SESTD1: variants seen among roughly 807,000 people sequenced by gnomAD.
SESTD1 encodes SEC14 domain and spectrin repeat-containing protein 1.
SESTD1 carries 43 observed loss-of-function variants against 101.7 expected under a neutral mutation model. That is an observed-to-expected ratio of 0.42 (90% CI 0.33 to 0.55). The LOEUF (loss-of-function observed/expected upper bound fraction) is 0.55, where lower values mean the gene tolerates loss of function less well. SESTD1 is among the 20% of genes least tolerant of loss of function. The pLI, the probability that SESTD1 is intolerant of heterozygous loss-of-function variation, is 0.07. For synonymous variants in SESTD1, 283 were observed against 286.8 expected (o/e 0.99, Z 0.13); for missense variants, 647 against 815.1 (o/e 0.79, Z 2.51).
chr2:179,140,033 C>T (rs755242621), intron 9 of SESTD1, among the ~76,000 whole-genome samples: 6 of 152,284 alleles, frequency 3.9e-5, no homozygotes, highest in Middle Eastern at 3.4e-3. Context: ...CATTCTAAAG[C>T]GAATCCCTTC....
chr2:179,121,797 A>G lies in SESTD1; in HGVS notation c.1415T>C (p.Met472Thr). 1 of 1,596,330 alleles carries G rather than the reference A, an allele frequency of 6.3e-7. No individual in the cohort carries two copies. The highest frequency in any genetic ancestry group is 8.5e-7 in the Non-Finnish European group (1 of 1,172,776). ...TTGTTTTCTAAGCTGCATATCTTCC[A>G]TCACTCCTTGTATGTGGTCCACATT... The part of the protein sequence containing the change: ...KENVDHIQGV[M>T]EDMQLRKQRC... Residue 472 changes from methionine (M) to threonine (T), a missense_variant, in exon 13 of 18, where the codon ATG (methionine) becomes ACG (threonine). Around this residue, in one of 3 missense-constraint regions of SESTD1, gnomAD observed 476 missense variants for 562.6 expected, o/e 0.85. Coordinates refer to ENST00000428443, the MANE Select transcript of SESTD1 (RefSeq NM_178123.5).
intron 1 of SESTD1, among the ~76,000 whole-genome samples, chr2:179,231,693 C>T (rs1434222356): frequency 7.1e-6 from 1 of 140,302 alleles, no homozygotes; most frequent in Non-Finnish European, 1.5e-5. Context: ...CAAGAGATAA[C>T]CTAAAACAGT....
chr2:179,117,978 GA>G (rs1166869416), intron 13 of SESTD1, among the ~76,000 whole-genome samples: 2 of 152,060 alleles, frequency 1.3e-5, no homozygotes, highest in Non-Finnish European at 2.9e-5. Flanking sequence ...AATACAGGAT[GA>G]TATTTTTTTG....
intron 5 of SESTD1, among the ~76,000 whole-genome samples, chr2:179,155,737 T>A (rs1448768426): frequency 6.6e-6 from 1 of 152,210 alleles, no homozygotes; most frequent in Non-Finnish European, 1.5e-5. Flanking sequence ...TCATGTCCCT[T>A]ATTTATTTTT....
intron 5 of SESTD1, among the ~76,000 whole-genome samples, chr2:179,153,862 G>A (rs1481640611): frequency 1.3e-5 from 2 of 151,890 alleles, no homozygotes; most frequent in Non-Finnish European, 2.9e-5. Context: ...GCCATGAATC[G>A]AAACATTAAA....
intron 1 of SESTD1, among the ~76,000 whole-genome samples, chr2:179,249,599 G>C (rs540470232): frequency 1.3e-5 from 2 of 152,194 alleles, no homozygotes; most frequent in African/African-American, 4.8e-5. Flanking sequence ...GAATTTATAT[G>C]AGTTAAATGC....
At chr2:179,192,958 T>G (rs1372288570) in intron 1 of SESTD1, among the ~76,000 whole-genome samples, 1 of 152,192 alleles carries the variant, frequency 6.6e-6, no homozygotes, top group Non-Finnish European at 1.5e-5. Flanking sequence ...CATATTCTCT[T>G]GAAGACATTT....
chr2:179,212,518 A>T (rs2046664169), intron 1 of SESTD1, among the ~76,000 whole-genome samples: 1 of 136,230 alleles, frequency 7.3e-6, no homozygotes, highest in Non-Finnish European at 1.6e-5. Flanking sequence ...ACCACAGCTC[A>T]ACAAGGCCTA....
At chr2:179,127,410 GAAC>G (rs1376178132) in intron 10 of SESTD1, among the ~76,000 whole-genome samples, 5 of 152,166 alleles carry the variant, frequency 3.3e-5, no homozygotes, top group Non-Finnish European at 7.3e-5. Context: ...CAAAAGCCTA[GAAC>G]AACACATGAC....
chr2:179,220,104 AGTC>A (rs2046792057), intron 1 of SESTD1, among the ~76,000 whole-genome samples: 1 of 150,918 alleles, frequency 6.6e-6, no homozygotes, highest in Non-Finnish European at 1.5e-5. Context: ...AAAATTCAAA[AGTC>A]TACTGAAAAT....
chr2:179,239,254 G>GATTT, intron 1 of SESTD1, among the ~76,000 whole-genome samples: 1 of 152,048 alleles, frequency 6.6e-6, no homozygotes, highest in Non-Finnish European at 1.5e-5. Flanking sequence ...AAATCTTTGA[G>GATTT]AGAATAATCC....
intron 5 of SESTD1, among the ~76,000 whole-genome samples, chr2:179,160,691 TAA>T (rs1266551264): frequency 2.0e-5 from 3 of 152,212 alleles, no homozygotes; most frequent in East Asian, 1.9e-4. Context: ...AGAAAATATT[TAA>T]AAGAGTAAAT....
At chr2:179,155,246 G>C (rs2105454981) in intron 5 of SESTD1, among the ~76,000 whole-genome samples, 1 of 152,056 alleles carries the variant, frequency 6.6e-6, no homozygotes, top group South Asian at 2.1e-4. Flanking sequence ...CCACAGAAAG[G>C]CTTTCACACT....
chr2:179,200,452 C>A (rs2105508238), intron 1 of SESTD1, among the ~76,000 whole-genome samples: 1 of 149,066 alleles, frequency 6.7e-6, no homozygotes, highest in Non-Finnish European at 1.5e-5. Flanking sequence ...AAAAAAGAGC[C>A]CGCATCACCA....
intron 10 of SESTD1, chr2:179,131,945 C>T (rs962344380): frequency 1.9e-5 from 3 of 157,402 alleles, no homozygotes; most frequent in Non-Finnish European, 2.8e-5. Context: ...CTATATACTC[C>T]CAATAAAGTG....
intron 9 of SESTD1, among the ~76,000 whole-genome samples, chr2:179,142,335 C>T (rs1256694624): frequency 6.6e-6 from 1 of 152,148 alleles, no homozygotes; most frequent in Non-Finnish European, 1.5e-5. Flanking sequence ...ATAACTACCA[C>T]TGATTGAGAG....
At chr2:179,187,657 C>T (rs1455377335) in intron 2 of SESTD1, among the ~76,000 whole-genome samples, 1 of 151,938 alleles carries the variant, frequency 6.6e-6, no homozygotes, top group Non-Finnish European at 1.5e-5. Flanking sequence ...AAAAACAAGA[C>T]CCATCCATCT....
chr2:179,246,857 G>C (rs1355792264), intron 1 of SESTD1, among the ~76,000 whole-genome samples: 1 of 152,196 alleles, frequency 6.6e-6, no homozygotes, highest in East Asian at 1.9e-4. Flanking sequence ...AATCTCATGA[G>C]AAGGTGGCAG....
intron 1 of SESTD1, among the ~76,000 whole-genome samples, chr2:179,195,979 C>A (rs181203570): frequency 1.3e-5 from 2 of 152,058 alleles, no homozygotes; most frequent in African/African-American, 2.4e-5. Context: ...GGAACAGCTC[C>A]GGTCTACAGC....
Sources: allele counts gnomAD v4.1 joint callset (sites outside exome capture counted in the v4.1 genomes callset), GRCh38; gene constraint gnomAD v4.1.1; regional missense constraint gnomAD v4.1.1; transcripts MANE v1.5; gene names NCBI Gene and HGNC (gene_info 2026-07-23, HGNC 2026-07-21).